The following TMEM30B variants were observed in gnomAD, a reference collection of about 807,000 sequenced individuals.
The protein encoded by TMEM30B is cell division cycle 50 P4-ATPase accessory subunit B, also known as cell cycle control protein 50B.
In TMEM30B, 25 loss-of-function variants were observed where a neutral mutation model predicts 27.9. That is an observed-to-expected ratio of 0.89 (90% CI 0.65 to 1.25). The LOEUF is 1.25. Ranked by LOEUF, TMEM30B falls within the 50% of genes most tolerant of loss-of-function variation. The probability of loss-of-function intolerance (pLI) is 0.00; values close to 1 mark genes in which losing one functional copy is unlikely to be tolerated. For missense variants in TMEM30B, 536 were observed against 506.5 expected (o/e 1.06, Z -0.56); for synonymous variants, 248 against 238.5 (o/e 1.04, Z -0.37).
In TMEM30B at chr14:61,280,432, T is replaced by C. The variant is rs1370925513; in HGVS notation, c.716A>G (p.Asp239Gly). ...WRRPVYELSP[D>G]PNNTGFINQD... ...ATTGATGAAGCCGGTGTTGTTGGGGTCGGGGCTGAGCTCGTAGACTGGCCG... is the reference window on the plus strand; with the variant it reads ...ATTGATGAAGCCGGTGTTGTTGGGGCCGGGGCTGAGCTCGTAGACTGGCCG... The change falls in exon 1 of 1, where the codon GAC becomes GGC. Residue 239 changes from aspartate (D) to glycine (G), a missense_variant. Physicochemically the swap from Asp to Gly is moderately conservative, Grantham distance 94 (BLOSUM62 -1). Transcript: ENST00000555868. The surrounding 1 kb of genome is among the most constrained non-coding windows in gnomAD (Gnocchi z 5.0). The C allele has an allele frequency of 3.1e-6, 5 of 1,613,880 alleles. No individual in the cohort carries two copies. Among genetic ancestry groups the C allele is most frequent in the Middle Eastern group, 1.6e-4 (1 of 6,062 alleles).
At position 61,278,229 on chromosome 14, in the gene TMEM30B, T is replaced by C. The variant is rs1169477099; in HGVS notation, c.*1863A>G. The C allele has an allele frequency of 6.6e-6, 1 of 152,216 alleles. No homozygotes were observed. The highest frequency in any genetic ancestry group is 1.5e-5 in the Non-Finnish European group (1 of 68,042). The allele number at this position is 152,216 out of a possible 1,614,324, so 9.4% of individuals were successfully genotyped here. On this transcript the variant is annotated 3_prime_UTR_variant, in exon 1 of 1. Coordinates refer to ENST00000555868, the MANE Select transcript of TMEM30B (RefSeq NM_001017970.3). ...TGGGCTAGTGAGCTGCTCAAACATT[T>C]GTAACAAATAAAAATGTATCTATAT...
rs1378542972 is a variant in TMEM30B at position 61,279,910 on chromosome 14, C to T, written c.*182G>A. 7 of 608,380 alleles carry T rather than the reference C, an allele frequency of 1.2e-5. No homozygotes were observed. The highest frequency in any genetic ancestry group is 6.2e-5 in the South Asian group (3 of 48,504). The allele number at this position is 608,380 out of a possible 1,614,324, so 37.7% of individuals were successfully genotyped here. ...ACTCTGCAGTCAACATCCCTCCCCG[C>T]GGCAAGACAGTCTAGCAGCCCCCCA... is the stretch of plus-strand genomic sequence containing the variant. On this transcript the variant is annotated 3_prime_UTR_variant, in exon 1 of 1. Transcript: ENST00000555868.
At position 61,279,111 on chromosome 14, in the gene TMEM30B, A is replaced by T. The variant is rs2045232220; in HGVS notation, c.*981T>A. ...CAGCTATCTGATTCTACGTTAAAGC[A>T]TTTCCTCTGAACTGTACAAACTGGC... On this transcript the variant is annotated 3_prime_UTR_variant, in exon 1 of 1. Transcript: ENST00000555868. The T allele has an allele frequency of 6.6e-6, 1 of 152,096 alleles. No homozygotes were observed. The highest frequency in any genetic ancestry group is 2.4e-5 in the African/African-American group (1 of 41,418). The allele number at this position is 152,096 out of a possible 1,614,324, so 9.4% of individuals were successfully genotyped here. A position where few individuals can be genotyped will look rare whatever the true frequency, so the allele number is the denominator to read the frequency against.
Position 61,279,969 on chromosome 14 carries a change from C to T in TMEM30B, c.*123G>A. 7 of 837,754 alleles carry T rather than the reference C, an allele frequency of 8.4e-6. No homozygotes were observed. The highest frequency in any genetic ancestry group is 1.3e-5 in the Non-Finnish European group (7 of 542,646). The allele number at this position is 837,754 out of a possible 1,614,324, so 51.9% of individuals were successfully genotyped here. On this transcript the variant is annotated 3_prime_UTR_variant, in exon 1 of 1. Coordinates refer to ENST00000555868, the MANE Select transcript of TMEM30B (RefSeq NM_001017970.3). Reference sequence around the variant, plus strand: ...GGGGGTAATTCCCTTATCTGGTCCCCTCATTCACAAAGGGAGGAAAAGCTA... The same window carrying T: ...GGGGGTAATTCCCTTATCTGGTCCCTTCATTCACAAAGGGAGGAAAAGCTA...
Position 61,281,196 on chromosome 14 carries a change from C to T in TMEM30B, c.-49G>A. ...GCGGGCTGACCGAGTGGGGGCCCCG[C>T]CGCGGGGCGCCTCCCTCTCCGCGCC... On this transcript the variant is annotated 5_prime_UTR_variant, in exon 1 of 1. Coordinates refer to ENST00000555868, the MANE Select transcript of TMEM30B (RefSeq NM_001017970.3). 1 of 1,163,120 alleles carries T rather than the reference C, an allele frequency of 8.6e-7. No homozygotes were observed. The highest frequency in any genetic ancestry group is 3.7e-5 in the South Asian group (1 of 27,070). The allele number at this position is 1,163,120 out of a possible 1,614,324, so 72.0% of individuals were successfully genotyped here.
rs368641096 is a variant in TMEM30B, at chr14:61,280,095, C to T, written c.1053G>A (p.Glu351=). The T allele has an allele frequency of 2.2e-5, 36 of 1,606,948 alleles. No homozygotes were observed. The highest frequency in any genetic ancestry group is 2.9e-5 in the Non-Finnish European group (34 of 1,176,568). The change falls in exon 1 of 1, where the codon GAG becomes GAA. Residue 351 remains glutamate, a synonymous_variant. Coordinates refer to ENST00000555868, the MANE Select transcript of TMEM30B (RefSeq NM_001017970.3). This position sits in a 1 kb window ranked among gnomAD's most constrained non-coding sequence, Gnocchi z 5.0. ...RYQDQDDDDE[E] ...AGGGATCCCTGGAAAGCCGGAATCACTCCTCGTCGTCGTCGTCCTGGTCCT... is the reference window on the plus strand; with the variant it reads ...AGGGATCCCTGGAAAGCCGGAATCATTCCTCGTCGTCGTCGTCCTGGTCCT...
rs750885430 is a variant in TMEM30B at position 61,280,098 on chromosome 14, C to CTCG, written c.1047_1049dup (p.Asp349dup). The CTCG allele has an allele frequency of 1.2e-6, 2 of 1,607,682 alleles. No individual in the cohort carries two copies. The highest frequency in any genetic ancestry group is 1.3e-5 in the African/African-American group (1 of 74,706). The stretch of plus-strand genomic sequence containing the variant: ...GATCCCTGGAAAGCCGGAATCACTC[C>CTCG]TCGTCGTCGTCGTCCTGGTCCTGGT... On this transcript the variant is annotated inframe_insertion, in exon 1 of 1. Transcript: ENST00000555868. The surrounding 1 kb of genome is among the most constrained non-coding windows in gnomAD (Gnocchi z 5.0).
At position 61,280,614 on chromosome 14, in the gene TMEM30B, G is replaced by C; in HGVS notation, c.534C>G (p.His178Gln). ...CGTAGGGCCCGCCGGGCTGGCGCTGGTGCCAAAGCGAGAAGGAGTCGTTGA... is the reference window on the plus strand; with the variant it reads ...CGTAGGGCCCGCCGGGCTGGCGCTGCTGCCAAAGCGAGAAGGAGTCGTTGA... ...SLFNDSFSLW[H>Q]QRQPGGPYVE... The change falls in exon 1 of 1, where the codon CAC (histidine) becomes CAG (glutamine). Residue 178 changes from histidine to glutamine, a missense_variant. By Grantham distance (24) the His-to-Gln change is conservative. Transcript: ENST00000555868. This position sits in a 1 kb window ranked among gnomAD's most constrained non-coding sequence, Gnocchi z 5.0. 1 of 1,582,358 alleles carries C rather than the reference G, an allele frequency of 6.3e-7. No homozygotes were observed. The highest frequency in any genetic ancestry group is 8.6e-7 in the Non-Finnish European group (1 of 1,164,620).
chr14:61,279,195 CA>C lies in TMEM30B; in HGVS notation c.*896del, dbSNP rs1566804075. 6.6e-6 allele frequency: 1 copy of C among 152,186 alleles called. No individual in the cohort carries two copies. The highest frequency in any genetic ancestry group is 1.5e-5 in the Non-Finnish European group (1 of 68,042). 9.4% of individuals were successfully genotyped at this position (152,186 alleles called of 1,614,324 possible). A position where few individuals can be genotyped will look rare whatever the true frequency, so the allele number is the denominator to read the frequency against. ...AAAGTTTGCCTGTTGGCTTTTACAC[CA>C]AAATACTAAAATATCAAATGAATCA... On this transcript the variant is annotated 3_prime_UTR_variant, in exon 1 of 1. Coordinates refer to ENST00000555868, the MANE Select transcript of TMEM30B (RefSeq NM_001017970.3).
chr14:61,281,112 C>T lies in TMEM30B; in HGVS notation c.36G>A (p.Gln12=). ...TWSATARGAH[Q]PDNTAFTQQR... ...GCTGAGTGAAGGCGGTGTTGTCGGG[C>T]TGGTGGGCGCCCCGGGCCGTGGCGC... The change falls in exon 1 of 1, where the codon CAG becomes CAA. Residue 12 remains glutamine (Q), a synonymous_variant. Transcript: ENST00000555868. The T allele has an allele frequency of 6.9e-7, 1 of 1,439,684 alleles. No individual in the cohort carries two copies. Among genetic ancestry groups the T allele is most frequent in the Non-Finnish European group, 9.1e-7 (1 of 1,098,660 alleles). The allele number at this position is 1,439,684 out of a possible 1,614,324, so 89.2% of individuals were successfully genotyped here.
chr14:61,280,944 TGTATAGTC>T lies in TMEM30B; in HGVS notation c.196_203del (p.Asp66ArgfsTer7). ...AGCAGTTACCGGTGCCCGGGTCGCCTGTATAGTCGTACTCCAGCTCCTTGATGCCGTTG... is the reference window on the plus strand; with the variant it reads ...AGCAGTTACCGGTGCCCGGGTCGCCTGTACTCCAGCTCCTTGATGCCGTTG... On this transcript the variant is annotated frameshift_variant, in exon 1 of 1. Transcript: ENST00000555868. LOFTEE classifies it high-confidence loss of function. The surrounding 1 kb of genome is among the most constrained non-coding windows in gnomAD (Gnocchi z 5.0). 1 of 1,539,884 alleles carries T rather than the reference TGTATAGTC, an allele frequency of 6.5e-7. No homozygotes were observed. The highest frequency in any genetic ancestry group is 1.2e-5 in the South Asian group (1 of 83,636).
rs773957084 is a variant in TMEM30B at position 61,280,609 on chromosome 14, C to A, written c.539G>T (p.Arg180Leu). 2 of 1,585,154 alleles carry A rather than the reference C, an allele frequency of 1.3e-6. No homozygotes were observed. The highest frequency in any genetic ancestry group is 1.7e-6 in the Non-Finnish European group (2 of 1,166,026). The change falls in exon 1 of 1, where the codon CGC (arginine) becomes CTC (leucine). Residue 180 changes from arginine to leucine, a missense_variant. By Grantham distance (102) the Arg-to-Leu change is moderately radical. Coordinates refer to ENST00000555868, the MANE Select transcript of TMEM30B (RefSeq NM_001017970.3). The surrounding 1 kb of genome is among the most constrained non-coding windows in gnomAD (Gnocchi z 5.0). ...FNDSFSLWHQ[R>L]QPGGPYVEVP... ...CTCGACGTAGGGCCCGCCGGGCTGG[C>A]GCTGGTGCCAAAGCGAGAAGGAGTC...
Position 61,280,168 on chromosome 14 carries a change from AG to A in TMEM30B, c.979del (p.Leu327SerfsTer59). The A allele has an allele frequency of 6.2e-7, 1 of 1,614,126 alleles. No homozygotes were observed. Among genetic ancestry groups the A allele is most frequent in the Non-Finnish European group, 8.5e-7 (1 of 1,180,016 alleles). On this transcript the variant is annotated frameshift_variant, in exon 1 of 1. Coordinates refer to ENST00000555868, the MANE Select transcript of TMEM30B (RefSeq NM_001017970.3). LOFTEE classifies it high-confidence loss of function. The surrounding 1 kb of genome is among the most constrained non-coding windows in gnomAD (Gnocchi z 5.0). ...LGIAYLVVGS[L>X]CILTGFVMLV... Reference sequence around the variant, plus strand: ...CATGACAAAGCCGGTGAGGATGCAGAGGGAGCCGACGACCAGGTAGGCGATG... The same window carrying A: ...CATGACAAAGCCGGTGAGGATGCAGAGGAGCCGACGACCAGGTAGGCGATG...
In TMEM30B at chr14:61,279,228, C is replaced by T. The variant is rs2045233507; in HGVS notation, c.*864G>A. 1 of 152,198 alleles carries T rather than the reference C, an allele frequency of 6.6e-6. No homozygotes were observed. The highest frequency in any genetic ancestry group is 1.5e-5 in the Non-Finnish European group (1 of 68,050). 9.4% of individuals were successfully genotyped at this position (152,198 alleles called of 1,614,324 possible). On this transcript the variant is annotated 3_prime_UTR_variant, in exon 1 of 1. Coordinates refer to ENST00000555868, the MANE Select transcript of TMEM30B (RefSeq NM_001017970.3). ...TAAAATATCAAATGAATCACATAAA[C>T]CCTGTCCTACAACTCTGTATGCCAA... is the stretch of plus-strand genomic sequence containing the variant.
At position 61,280,087 on chromosome 14, in the gene TMEM30B, C is replaced by T; in HGVS notation, c.*5G>A. The T allele has an allele frequency of 2.5e-6, 4 of 1,601,538 alleles. No homozygotes were observed. In the South Asian group the frequency reaches 3.4e-5, roughly 13 times the overall value. On this transcript the variant is annotated 3_prime_UTR_variant, in exon 1 of 1. Coordinates refer to ENST00000555868, the MANE Select transcript of TMEM30B (RefSeq NM_001017970.3). This position sits in a 1 kb window ranked among gnomAD's most constrained non-coding sequence, Gnocchi z 5.0. ...GAAGCAGGAGGGATCCCTGGAAAGC[C>T]GGAATCACTCCTCGTCGTCGTCGTC...
At position 61,279,651 on chromosome 14, in the gene TMEM30B, CAAAGA is replaced by C. The variant is rs2045238063; in HGVS notation, c.*436_*440del. 6.4e-6 allele frequency: 1 copy of C among 156,460 alleles called. No homozygotes were observed. Among genetic ancestry groups the C allele is most frequent in the African/African-American group, 2.4e-5 (1 of 41,540 alleles). The allele number at this position is 156,460 out of a possible 1,614,324, so 9.7% of individuals were successfully genotyped here. A position where few individuals can be genotyped will look rare whatever the true frequency, so the allele number is the denominator to read the frequency against. ...TCCATTCCAGCCCACTCTCCCCGAC[CAAAGA>C]AAAGAAAACCACTGTACTGTAGTGG... On this transcript the variant is annotated 3_prime_UTR_variant, in exon 1 of 1. Coordinates refer to ENST00000555868, the MANE Select transcript of TMEM30B (RefSeq NM_001017970.3).
At position 61,280,528 on chromosome 14, in the gene TMEM30B, C is replaced by T. The variant is rs754284679; in HGVS notation, c.620G>A (p.Arg207His). 3.7e-6 allele frequency: 6 copies of T among 1,612,228 alleles called. No homozygotes were observed. The highest frequency in any genetic ancestry group is 5.1e-6 in the Non-Finnish European group (6 of 1,179,428). Reference protein sequence around the residue: ...AWWTDYHVKFRNPPLVNGSLA... With the variant: ...AWWTDYHVKFHNPPLVNGSLA... ...GCTGCCGTTGACCAGCGGCGGGTTG[C>T]GGAACTTGACGTGGTAGTCGGTCCA... The change falls in exon 1 of 1, where the codon CGC (arginine) becomes CAC (histidine). Residue 207 changes from arginine to histidine, a missense_variant. Transcript: ENST00000555868. This position sits in a 1 kb window ranked among gnomAD's most constrained non-coding sequence, Gnocchi z 5.0.
chr14:61,280,816 T>C lies in TMEM30B; in HGVS notation c.332A>G (p.Tyr111Cys). Reference sequence around the variant, plus strand: ...CTGGTAGAAGTTGGTCAGCTCGTAGTAGAGGTACACTGGGCCCTGGAAGAG... The same window carrying C: ...CTGGTAGAAGTTGGTCAGCTCGTAGCAGAGGTACACTGGGCCCTGGAAGAG... ...PELFQGPVYL[Y>C]YELTNFYQNN... is the part of the protein sequence containing the mutation. Residue 111 changes from tyrosine to cysteine, a missense_variant, in exon 1 of 1, where the codon TAC becomes TGC. By Grantham distance (194) the Tyr-to-Cys change is radical. Transcript: ENST00000555868. The surrounding 1 kb of genome is among the most constrained non-coding windows in gnomAD (Gnocchi z 5.0). 6.4e-7 allele frequency: 1 copy of C among 1,565,336 alleles called. No homozygotes were observed. Among genetic ancestry groups the C allele is most frequent in the Non-Finnish European group, 8.6e-7 (1 of 1,164,580 alleles).
Position 61,280,456 on chromosome 14 carries a change from C to T in TMEM30B, c.692G>A (p.Arg231Gln), listed in dbSNP as rs754538378. 1 of 1,613,690 alleles carries T rather than the reference C, an allele frequency of 6.2e-7. No homozygotes were observed. Among genetic ancestry groups the T allele is most frequent in the Admixed American group, 1.7e-5 (1 of 60,012 alleles). The change falls in exon 1 of 1, where the codon CGG becomes CAG. Residue 231 changes from arginine to glutamine, a missense_variant. Arg to Gln is a conservative substitution (Grantham distance 43). Coordinates refer to ENST00000555868, the MANE Select transcript of TMEM30B (RefSeq NM_001017970.3). This position sits in a 1 kb window ranked among gnomAD's most constrained non-coding sequence, Gnocchi z 5.0. Reference protein sequence around the residue: ...QGTAPPPNWRRPVYELSPDPN... With the variant: ...QGTAPPPNWRQPVYELSPDPN... ...GTCGGGGCTGAGCTCGTAGACTGGC[C>T]GGCGCCAGTTGGGCGGGGGCGCCGT...
Sources: gnomAD v4.1 joint callset for allele counts on GRCh38, gnomAD v4.1.1 for gene constraint, Gnocchi (gnomAD v3.1) non-coding constraint, MANE v1.5 for transcripts, NCBI Gene and HGNC (gene_info 2026-07-23, HGNC 2026-07-21) for gene names.